DMD: variants seen among roughly 807,000 people sequenced by gnomAD.
The protein encoded by DMD is mutant dystrophin.
In DMD, 63 loss-of-function variants were observed where a neutral mutation model predicts 330.1. That is an observed-to-expected ratio of 0.19 (90% CI 0.16 to 0.24). The LOEUF is 0.24. Among genes scored for constraint, DMD ranks in the 10% least tolerant of loss-of-function variants. DMD has a pLI of 1.00. For synonymous variants in DMD, 1,223 were observed against 959.8 expected (o/e 1.27, Z -5.07); for missense variants, 3,344 against 2,684.1 (o/e 1.25, Z -5.43).
intron 44 of DMD, among the ~76,000 whole-genome samples, chrX:32,040,394 T>C (rs1485848558): frequency 3.6e-5 from 4 of 112,384 alleles, no homozygotes; most frequent in Non-Finnish European, 7.5e-5. Context: ...TCACTGGCCC[T>C]TTAACCCCAA....
chrX:32,243,751 T>G (rs970727452), intron 43 of DMD, among the ~76,000 whole-genome samples: 1 of 111,571 alleles, frequency 9.0e-6, no homozygotes, highest in African/African-American at 3.3e-5. Flanking sequence ...TCTTGAAAAT[T>G]TAACAAGTAT....
At chrX:31,477,940 C>T (rs993303365) in intron 59 of DMD, among the ~76,000 whole-genome samples, 166 bp downstream of exon 59, 3 of 111,851 alleles carry the variant, frequency 2.7e-5, no homozygotes, top group Non-Finnish European at 5.6e-5. Context: ...AATTAGATCA[C>T]TGTCTTCTCT....
intron 44 of DMD, among the ~76,000 whole-genome samples, chrX:32,009,404 T>G (rs970609721): frequency 8.9e-6 from 1 of 112,330 alleles, no homozygotes; most frequent in Non-Finnish European, 1.9e-5. Context: ...GCAATATGCA[T>G]TTTTAAGTTC....
chrX:31,786,571 CCT>C (rs2091311205), intron 50 of DMD, among the ~76,000 whole-genome samples: 1 of 111,377 alleles, frequency 9.0e-6, no homozygotes, highest in Non-Finnish European at 1.9e-5. Context: ...TATGCCAGTG[CCT>C]CTCTGTAGTG....
intron 59 of DMD, among the ~76,000 whole-genome samples, chrX:31,462,858 C>T (rs981021730): frequency 9.3e-6 from 1 of 107,771 alleles, no homozygotes; most frequent in African/African-American, 3.6e-5. Context: ...TAGCAAGGGT[C>T]TGCTCTTTTT....
intron 55 of DMD, among the ~76,000 whole-genome samples, chrX:31,546,791 T>C (rs978734115): frequency 6.2e-5 from 7 of 112,218 alleles, no homozygotes; most frequent in Admixed American, 9.5e-5. Flanking sequence ...ATCTATGACA[T>C]AGAATAGGAA....
intron 50 of DMD, among the ~76,000 whole-genome samples, chrX:31,777,353 A>T (rs989781057): frequency 2.7e-5 from 3 of 111,388 alleles, no homozygotes; most frequent in African/African-American, 9.8e-5. Context: ...AACCCCACAC[A>T]CATACATTTT....
chrX:32,567,694 G>A (rs1415278813), intron 15 of DMD, among the ~76,000 whole-genome samples: 1 of 112,401 alleles, frequency 8.9e-6, no homozygotes, highest in African/African-American at 3.2e-5. Flanking sequence ...ACCATACCCA[G>A]CCCAATAGAT....
intron 2 of DMD, among the ~76,000 whole-genome samples, chrX:32,944,248 T>C (rs1037540399): frequency 8.9e-6 from 1 of 112,461 alleles, no homozygotes; most frequent in African/African-American, 3.2e-5. Context: ...AGTTTACTGG[T>C]TTTTAATGTA....
In DMD at chrX:31,679,418, G is replaced by C. The variant is rs1569220404; in HGVS notation, c.7829C>G (p.Pro2610Arg). 1 of 1,210,270 alleles carries C rather than the reference G, an allele frequency of 8.3e-7. No homozygotes were observed. Among genetic ancestry groups the C allele is most frequent in the Admixed American group, 2.2e-5 (1 of 45,908 alleles). Residue 2610 changes from proline to arginine, a missense_variant, in exon 53 of 79, where the codon CCC becomes CGC. Transcript: ENST00000357033. ...RAKLESWKEG[P>R]YTVDAIQKKI... ...CTTTTGGATTGCATCTACTGTATAGGGACCCTCCTTCCATGACTCAAGCTT... is the reference window on the plus strand; with the variant it reads ...CTTTTGGATTGCATCTACTGTATAGCGACCCTCCTTCCATGACTCAAGCTT...
intron 54 of DMD, among the ~76,000 whole-genome samples, chrX:31,636,107 C>G (rs2148474892): frequency 8.9e-6 from 1 of 111,836 alleles, no homozygotes; most frequent in East Asian, 2.8e-4. Context: ...AAACCAAATA[C>G]TGCATGTTCT....
intron 74 of DMD, among the ~76,000 whole-genome samples, chrX:31,166,096 AAAAGAACTTTAGTC>A (rs765385355): frequency 8.9e-6 from 1 of 112,629 alleles, no homozygotes; most frequent in South Asian, 3.7e-4. Flanking sequence ...TTAGGTTTGT[AAAAGAACTTTAGTC>A]AAAAGTGCAT....
chrX:32,575,572 C>G (rs140641513), intron 13 of DMD, among the ~76,000 whole-genome samples: 3,667 of 112,184 alleles, frequency 0.033, 134 homozygotes, highest in African/African-American at 0.11. Flanking sequence ...TATTACGAAG[C>G]AGTATATATA....
chrX:32,513,641 G>A (rs890000304), intron 18 of DMD, among the ~76,000 whole-genome samples: 1 of 111,355 alleles, frequency 9.0e-6, no homozygotes, highest in Non-Finnish European at 1.9e-5. Context: ...GAATAAAGGA[G>A]GTCTGGGGAA....
intron 18 of DMD, among the ~76,000 whole-genome samples, chrX:32,503,700 C>A (rs755133701): frequency 9.1e-6 from 1 of 110,124 alleles, no homozygotes; most frequent in Non-Finnish European, 1.9e-5. Flanking sequence ...GGATTACAGG[C>A]GTGCACCACC....
intron 7 of DMD, among the ~76,000 whole-genome samples, chrX:32,772,779 T>TC (rs2073747229): frequency 9.0e-6 from 1 of 110,869 alleles, no homozygotes; most frequent in Non-Finnish European, 1.9e-5. Flanking sequence ...TACAACAGAC[T>TC]CCCCCCTATA....
At chrX:31,442,772 T>C (rs1203789412) in intron 60 of DMD, among the ~76,000 whole-genome samples, 1 of 111,510 alleles carries the variant, frequency 9.0e-6, no homozygotes, top group Admixed American at 9.6e-5. Context: ...ATGAAAAACA[T>C]ACTAAGGATG....
intron 30 of DMD, among the ~76,000 whole-genome samples, chrX:32,392,157 TC>T (rs1366837740): frequency 7.2e-5 from 8 of 111,864 alleles, no homozygotes; most frequent in African/African-American, 2.6e-4. Flanking sequence ...AGAGCAAAGG[TC>T]CATGAACAGA....
intron 9 of DMD, among the ~76,000 whole-genome samples, chrX:32,685,767 A>C: frequency 8.9e-6 from 1 of 111,911 alleles, no homozygotes; most frequent in East Asian, 2.8e-4. Flanking sequence ...GAGGAGTTTC[A>C]TAACGATACC....
Sources: gnomAD v4.1 joint callset for allele counts (sites outside exome capture counted in the v4.1 genomes callset) on GRCh38, gnomAD v4.1.1 for gene constraint, MANE v1.5 for transcripts, NCBI Gene and HGNC (gene_info 2026-07-23, HGNC 2026-07-21) for gene names.